The following SIM2 variants were observed in gnomAD, a reference collection of about 807,000 sequenced individuals.
SIM2 encodes single-minded homolog 2.
A neutral mutation model predicts 64.8 loss-of-function variants in SIM2; 28 were observed. The observed-to-expected ratio is 0.43, with a 90% CI of 0.32 to 0.59. The LOEUF is 0.59. Ranked by LOEUF, SIM2 falls within the 20% of genes least tolerant of loss-of-function variation. The pLI is 0.07. For missense variants in SIM2, 847 were observed against 871.4 expected, an observed-to-expected ratio of 0.97 and a Z score of 0.35; for synonymous variants, 408 against 391.1, an observed-to-expected ratio of 1.04 and a Z score of -0.51.
chr21:36,736,186 T>C (rs115533643), intron 7 of SIM2, among the ~76,000 whole-genome samples: 1,677 of 151,256 alleles, frequency 0.011, 25 homozygotes, highest in African/African-American at 0.038. Context: ...CTCCTCACAG[T>C]GAGATGCCCA....
chr21:36,737,468 G>C (rs78549407), intron 7 of SIM2, among the ~76,000 whole-genome samples: 33 of 151,190 alleles, frequency 2.2e-4, no homozygotes, highest in Admixed American at 7.9e-4. Context: ...AGACCCTCAG[G>C]GGGGGCTGAG....
intron 7 of SIM2, among the ~76,000 whole-genome samples, chr21:36,739,044 A>G (rs2089118359): frequency 6.6e-6 from 1 of 151,804 alleles, no homozygotes; most frequent in Non-Finnish European, 1.5e-5. Context: ...CTTCTCTCCC[A>G]TGTAAAAAAC....
At chr21:36,716,019 T>C (rs2088741973) in intron 3 of SIM2, among the ~76,000 whole-genome samples, 2 of 151,998 alleles carry the variant, frequency 1.3e-5, no homozygotes, top group African/African-American at 4.8e-5. Flanking sequence ...AGGGTCCAAG[T>C]GTTAGGCAGT....
rs117387036 is a variant in SIM2 at position 36,747,246 on chromosome 21, C to T, written c.1577-419C>T. 8.9e-3 allele frequency among the ~76,000 whole-genome samples: 1,355 copies of T among 151,962 alleles called. 13 individuals are homozygous for T. The highest frequency in any genetic ancestry group is 0.013 in the Non-Finnish European group (874 of 67,972). On this transcript the variant is annotated intron_variant, in intron 10 of 10. Transcript: ENST00000290399. The surrounding 1 kb of genome is among the most constrained non-coding windows in gnomAD (Gnocchi z 4.5). ...CCCCTGGTGGCCTCTAGACCTCTGC[C>T]GTCCAATCAGGTAGCCACCAACCCC... is the stretch of plus-strand genomic sequence containing the variant.
intron 7 of SIM2, among the ~76,000 whole-genome samples, chr21:36,740,437 TA>T (rs1331770353): frequency 6.6e-6 from 1 of 152,250 alleles, no homozygotes. Flanking sequence ...TTGCCCATTA[TA>T]TTTATTCTTT....
chr21:36,724,423 C>T (rs915376512), intron 5 of SIM2, among the ~76,000 whole-genome samples: 2 of 152,144 alleles, frequency 1.3e-5, no homozygotes, highest in African/African-American at 2.4e-5. Flanking sequence ...GGGCCACAGG[C>T]GCACGCCACC....
chr21:36,713,320 T>A (rs1456569620), intron 3 of SIM2, among the ~76,000 whole-genome samples: 1 of 152,092 alleles, frequency 6.6e-6, no homozygotes, highest in African/African-American at 2.4e-5. Context: ...GGACTCAGCT[T>A]TGTCTCTCCC....
intron 1 of SIM2, among the ~76,000 whole-genome samples, chr21:36,705,715 G>T (rs532331905): frequency 1.1e-4 from 16 of 152,208 alleles, no homozygotes; most frequent in Non-Finnish European, 2.1e-4. Context: ...CTCCCAAACC[G>T]TTCTGGATTT....
At chr21:36,736,261 C>A (rs542180070) in intron 7 of SIM2, among the ~76,000 whole-genome samples, 4 of 151,894 alleles carry the variant, frequency 2.6e-5, no homozygotes, top group African/African-American at 9.7e-5. Context: ...CAGCTGCCAA[C>A]AGCCAGGACC....
chr21:36,727,399 G>A (rs2088906196), intron 6 of SIM2, among the ~76,000 whole-genome samples: 1 of 152,222 alleles, frequency 6.6e-6, no homozygotes, highest in Admixed American at 6.5e-5. Flanking sequence ...GTTTTGTGGT[G>A]TTTGTGGGGT....
rs754671706 is a variant in SIM2 at position 36,745,353 on chromosome 21, A to G, written c.1576+217A>G. ...GCAGTCTGCCTGCCTCGGGGACACT[A>G]GTGACAGTATAAAGGGCAAAGGAAA... is the stretch of plus-strand genomic sequence containing the variant. On this transcript the variant is annotated intron_variant, in intron 10 of 10. Transcript: ENST00000290399. The surrounding 1 kb of genome is among the most constrained non-coding windows in gnomAD (Gnocchi z 4.8). The G allele has an allele frequency of 3.5e-6, 5 of 1,428,824 alleles. No individual in the cohort carries two copies. The highest frequency in any genetic ancestry group is 4.6e-6 in the Non-Finnish European group (5 of 1,085,172). The allele number at this position is 1,428,824 out of a possible 1,614,324, so 88.5% of individuals were successfully genotyped here. A position where few individuals can be genotyped will look rare whatever the true frequency, so the allele number is the denominator to read the frequency against.
chr21:36,735,438 G>A (rs1012115146), intron 7 of SIM2, among the ~76,000 whole-genome samples: 4 of 152,312 alleles, frequency 2.6e-5, no homozygotes, highest in South Asian at 2.1e-4. Flanking sequence ...CAGAGGCCAC[G>A]CCTCTCTCTG....
chr21:36,720,466 G>A (rs891701502), intron 4 of SIM2: 1 of 154,530 alleles, frequency 6.5e-6, no homozygotes, highest in African/African-American at 2.4e-5. Context: ...TCATAGGAAA[G>A]TTTTGCAGGT....
chr21:36,738,989 T>C (rs2089116903), intron 7 of SIM2, among the ~76,000 whole-genome samples: 1 of 152,186 alleles, frequency 6.6e-6, no homozygotes, highest in South Asian at 2.1e-4. Flanking sequence ...GACGGGGTGG[T>C]GGGGCTTGAT....
At chr21:36,716,368 G>A (rs747795628) in intron 3 of SIM2, among the ~76,000 whole-genome samples, 15 of 147,258 alleles carry the variant, frequency 1.0e-4, no homozygotes, top group Non-Finnish European at 7.5e-5. Flanking sequence ...ATAAATATAC[G>A]TATGTAAGAA....
chr21:36,729,677 C>T (rs531364877), intron 6 of SIM2, among the ~76,000 whole-genome samples: 143 of 152,294 alleles, frequency 9.4e-4, no homozygotes, highest in African/African-American at 3.3e-3. Flanking sequence ...GCACCATAGC[C>T]TCGCCTGCCT....
intron 6 of SIM2, among the ~76,000 whole-genome samples, chr21:36,728,092 T>A (rs2088916323): frequency 6.6e-6 from 1 of 152,188 alleles, no homozygotes; most frequent in South Asian, 2.1e-4. Context: ...AGGGAGGCGC[T>A]GCAGGGAGAG....
chr21:36,699,972 G>A lies in SIM2; in HGVS notation c.175+51G>A, dbSNP rs768946212. ...GACGCTGGGGAGCCCGGCGGCCCCG[G>A]CCCAGGCGGGAAGCGCAAGCCAGCC... On this transcript the variant is annotated intron_variant, in intron 1 of 10. Coordinates refer to ENST00000290399, the MANE Select transcript of SIM2 (RefSeq NM_005069.6). This position sits in a 1 kb window ranked among gnomAD's most constrained non-coding sequence, Gnocchi z 5.6. 30 of 1,516,412 alleles carry A rather than the reference G, an allele frequency of 2.0e-5. No homozygotes were observed. The highest frequency in any genetic ancestry group is 2.6e-5 in the Non-Finnish European group (29 of 1,136,288). The allele number at this position is 1,516,412 out of a possible 1,614,324, so 93.9% of individuals were successfully genotyped here.
chr21:36,710,284 T>A (rs887332946), intron 2 of SIM2: 1 of 152,210 alleles, frequency 6.6e-6, no homozygotes, highest in Admixed American at 6.5e-5. Context: ...CTTGCTTGGT[T>A]TGGAGCCAGG....
Sources: gnomAD v4.1 joint callset for allele counts (sites outside exome capture counted in the v4.1 genomes callset) on GRCh38, gnomAD v4.1.1 for gene constraint, Gnocchi (gnomAD v3.1) non-coding constraint, MANE v1.5 for transcripts, NCBI Gene and HGNC (gene_info 2026-07-23, HGNC 2026-07-21) for gene names.